ZSWIM4: variants seen among roughly 807,000 people sequenced by gnomAD.
The protein encoded by ZSWIM4 is zinc finger SWIM domain-containing protein 4.
ZSWIM4 carries 62 observed loss-of-function variants against 102.5 expected under a neutral mutation model. The ratio of observed to expected loss-of-function variants is 0.60; its 90% CI spans 0.49 to 0.75. The LOEUF is 0.75. ZSWIM4 is among the 30% of genes least tolerant of loss of function. The probability of loss-of-function intolerance (pLI) is 0.00; values close to 1 mark genes in which losing one functional copy is unlikely to be tolerated. For missense variants in ZSWIM4, 1,280 were observed against 1,529.6 expected, an observed-to-expected ratio of 0.84 and a Z score of 2.72; for synonymous variants, 652 against 674.5, an observed-to-expected ratio of 0.97 and a Z score of 0.52.
At chr19:13,800,073 T>TTTTTTTTTG in intron 2 of ZSWIM4, 152 bp downstream of exon 2, 2 of 724,832 alleles carry the variant, frequency 2.8e-6, no homozygotes, top group South Asian at 4.0e-5. Context: ...AGATTTTTTT[T>TTTTTTTTTG]TTTTTTTTTT....
intron 7 of ZSWIM4, 120 bp downstream of exon 7, chr19:13,814,985 T>G: frequency 2.0e-6 from 1 of 511,336 alleles, no homozygotes. Context: ...AGTGAGACAA[T>G]GTCTCTACAA....
chr19:13,818,943 AC>A (rs946037900), intron 9 of ZSWIM4, among the ~76,000 whole-genome samples: 6 of 142,484 alleles, frequency 4.2e-5, no homozygotes, highest in African/African-American at 1.6e-4. Flanking sequence ...GGCTCACTGC[AC>A]CCTCCGATCC....
At chr19:13,808,525 C>G (rs148576461) in intron 3 of ZSWIM4, among the ~76,000 whole-genome samples, 9 of 151,916 alleles carry the variant, frequency 5.9e-5, no homozygotes, top group African/African-American at 2.2e-4. Context: ...CACCTGAGGT[C>G]AGGAGTTTGA....
At chr19:13,804,660 ATGC>A in intron 2 of ZSWIM4, 129 bp from the exon 3 acceptor site, 1 of 726,510 alleles carries the variant, frequency 1.4e-6, no homozygotes, top group African/African-American at 1.8e-5. Flanking sequence ...AAAAAAAAAA[ATGC>A]AAAGTGAGTG....
chr19:13,822,046 AT>A (rs1975478401), intron 10 of ZSWIM4, among the ~76,000 whole-genome samples: 2 of 151,866 alleles, frequency 1.3e-5, no homozygotes, highest in South Asian at 2.1e-4. Flanking sequence ...TAGTTTAAAA[AT>A]TTTTTTTGTA....
intron 5 of ZSWIM4, among the ~76,000 whole-genome samples, chr19:13,811,897 A>T (rs917385852): frequency 1.3e-5 from 2 of 151,956 alleles, no homozygotes; most frequent in Non-Finnish European, 2.9e-5. Context: ...CAACATGGTG[A>T]AACCCCGCCT....
chr19:13,830,376 G>A lies in ZSWIM4; in HGVS notation c.2647G>A (p.Asp883Asn). Reference sequence around the variant, plus strand: ...CCTGGCCTTGCAGTGCGCGATGAAGGACCCTCAGAACTGCGCCTTGCCTGC... The same window carrying A: ...CCTGGCCTTGCAGTGCGCGATGAAGAACCCTCAGAACTGCGCCTTGCCTGC... The part of the protein sequence containing the change: ...RTLALQCAMK[D>N]PQNCALPALT... The change falls in exon 14 of 14, where the codon GAC becomes AAC. Residue 883 changes from aspartate to asparagine, a missense_variant. Physicochemically the swap from Asp to Asn is conservative, Grantham distance 23 (BLOSUM62 1). Transcript: ENST00000590508. 1.2e-6 allele frequency: 2 copies of A among 1,612,992 alleles called. No homozygotes were observed. The highest frequency in any genetic ancestry group is 1.7e-5 in the Admixed American group (1 of 60,032).
chr19:13,813,692 G>T (rs1031471489), intron 6 of ZSWIM4, among the ~76,000 whole-genome samples: 1 of 151,940 alleles, frequency 6.6e-6, no homozygotes, highest in African/African-American at 2.4e-5. Flanking sequence ...AAGCTGAGGG[G>T]GGCAGATTGC....
rs1236109657 is a variant in ZSWIM4 at position 13,800,174 on chromosome 19, T to TCTC, written c.355+255_355+256insCCT. 7.0e-5 allele frequency among the ~76,000 whole-genome samples: 10 copies of TCTC among 142,620 alleles called. No individual in the cohort carries two copies. The East Asian group carries it at 1.6e-3, about 23-fold the overall frequency. The allele number at this position is 142,620 out of a possible 152,430, so 93.6% of individuals were successfully genotyped here. On this transcript the variant is annotated intron_variant, in intron 2 of 13. Transcript: ENST00000590508. ...GCTCCGCCTCCTGGGTTCACGCCAT[T>TCTC]CTGCCTCAGCCTCCCGAGTAGCTGG...
chr19:13,829,280 C>T (rs942843843), intron 13 of ZSWIM4, among the ~76,000 whole-genome samples: 12 of 151,394 alleles, frequency 7.9e-5, no homozygotes, highest in Non-Finnish European at 1.5e-4. Context: ...GACCCTGTCT[C>T]TAAAAAATTG....
intron 3 of ZSWIM4, among the ~76,000 whole-genome samples, chr19:13,808,277 T>G (rs376545212): frequency 6.4e-4 from 97 of 151,412 alleles, no homozygotes; most frequent in African/African-American, 2.2e-3. Context: ...AATGAGAAAA[T>G]GGATGCATGA....
chr19:13,816,760 C>T (rs1975299761), intron 7 of ZSWIM4, among the ~76,000 whole-genome samples: 1 of 152,052 alleles, frequency 6.6e-6, no homozygotes, highest in Non-Finnish European at 1.5e-5. Context: ...GCTTGGAGGA[C>T]GAGGCTGGAG....
intron 2 of ZSWIM4, among the ~76,000 whole-genome samples, chr19:13,801,368 G>T (rs1343719214): frequency 6.6e-6 from 1 of 152,144 alleles, no homozygotes; most frequent in Non-Finnish European, 1.5e-5. Flanking sequence ...AGAAGAGCAG[G>T]TCCCAGCTGA....
intron 8 of ZSWIM4, 75 bp downstream of exon 8, chr19:13,817,428 C>G: frequency 5.2e-6 from 8 of 1,547,388 alleles, no homozygotes; most frequent in Non-Finnish European, 7.0e-6. Context: ...CCCAGTACCC[C>G]TATAAGGTAA....
chr19:13,800,443 T>C (rs527885380), intron 2 of ZSWIM4, among the ~76,000 whole-genome samples: 1 of 151,956 alleles, frequency 6.6e-6, no homozygotes, highest in East Asian at 1.9e-4. Context: ...TTTTTTGTAT[T>C]TTTAGTAGAG....
chr19:13,821,319 A>G (rs968473010), intron 10 of ZSWIM4, among the ~76,000 whole-genome samples: 3 of 151,168 alleles, frequency 2.0e-5, no homozygotes, highest in African/African-American at 7.3e-5. Context: ...ATAGTAAACC[A>G]TGCCCAAAAA....
Position 13,799,808 on chromosome 19 carries a change from T to C in ZSWIM4, c.242T>C (p.Met81Thr), listed in dbSNP as rs904361746. The part of the protein sequence containing the change: ...SFPRSEREIC[M>T]YSSLGYPPPE... ...CCACGCAGTGAACGGGAAATATGTA[T>C]GTACTCGTCGCTGGGTTACCCGCCC... The change falls in exon 2 of 14, where the codon ATG becomes ACG. Residue 81 changes from methionine to threonine, a missense_variant. Physicochemically the swap from Met to Thr is moderately conservative, Grantham distance 81. Transcript: ENST00000590508. The C allele has an allele frequency of 6.2e-7, 1 of 1,614,042 alleles. No homozygotes were observed. Among genetic ancestry groups the C allele is most frequent in the South Asian group, 1.1e-5 (1 of 91,086 alleles).
At position 13,813,177 on chromosome 19, in the gene ZSWIM4, G is replaced by T. The variant is rs201787730; in HGVS notation, c.1180+13G>T. 7.9e-5 allele frequency: 126 copies of T among 1,597,900 alleles called. No individual in the cohort carries two copies. Among genetic ancestry groups the T allele is most frequent in the Non-Finnish European group, 1.1e-4 (125 of 1,169,188 alleles). On this transcript the variant is annotated intron_variant, in intron 6 of 13. Coordinates refer to ENST00000590508, the MANE Select transcript of ZSWIM4 (RefSeq NM_001367834.3). ...GCCCCCGCCCCAGGTAGGAGAGAGG[G>T]GTCTTTACCATGCCCCCCAAAAACC...
chr19:13,802,168 GC>G (rs111259536), intron 2 of ZSWIM4, among the ~76,000 whole-genome samples: 67,180 of 149,760 alleles, frequency 0.45, 18,303 homozygotes, highest in African/African-American at 0.78. Context: ...AGTAGAGACG[GC>G]GTTTCACCGT....
Sources: allele counts gnomAD v4.1 joint callset (sites outside exome capture counted in the v4.1 genomes callset), GRCh38; gene constraint gnomAD v4.1.1; transcripts MANE v1.5; gene names NCBI Gene and HGNC (gene_info 2026-07-23, HGNC 2026-07-21).